The following PLEKHG1 variants were observed in gnomAD, a reference collection of about 807,000 sequenced individuals.
The protein encoded by PLEKHG1 is pleckstrin homology domain-containing family G member 1.
In PLEKHG1, 44 loss-of-function variants were observed where a neutral mutation model predicts 100.8. That is an observed-to-expected ratio of 0.44 (90% CI 0.34 to 0.56). The LOEUF is 0.56. Among genes scored for constraint, PLEKHG1 ranks in the 20% least tolerant of loss-of-function variants. PLEKHG1 has a pLI of 0.01. For missense variants in PLEKHG1, 1,545 were observed against 1,720.9 expected (o/e 0.90, Z 1.81); for synonymous variants, 640 against 662.5 (o/e 0.97, Z 0.52).
At chr6:150,670,931 G>A (rs1215166296) in intron 3 of PLEKHG1, among the ~76,000 whole-genome samples, 4 of 130,822 alleles carry the variant, frequency 3.1e-5, no homozygotes, top group Non-Finnish European at 6.2e-5. Flanking sequence ...TTATGCCTTT[G>A]CGTCCTCATA....
intron 10 of PLEKHG1, among the ~76,000 whole-genome samples, chr6:150,810,792 G>A (rs1039697625): frequency 3.9e-5 from 6 of 152,090 alleles, no homozygotes; most frequent in South Asian, 4.2e-4. Context: ...GTGGTAGCAC[G>A]TGCCTGTAGT....
At chr6:150,761,514 C>G (rs370342841) in intron 2 of PLEKHG1, among the ~76,000 whole-genome samples, 2 of 152,020 alleles carry the variant, frequency 1.3e-5, no homozygotes, top group Non-Finnish European at 2.9e-5. Flanking sequence ...AGGCTGGTCT[C>G]GAACTCCTGA....
intron 4 of PLEKHG1, among the ~76,000 whole-genome samples, chr6:150,792,683 A>T (rs1347044061): frequency 6.6e-6 from 1 of 151,734 alleles, no homozygotes; most frequent in Non-Finnish European, 1.5e-5. Context: ...CAAAACAACA[A>T]CAACAACAAA....
At chr6:150,797,001 G>GT (rs1233849188) in intron 5 of PLEKHG1, among the ~76,000 whole-genome samples, 2 of 151,618 alleles carry the variant, frequency 1.3e-5, no homozygotes, top group Non-Finnish European at 2.9e-5. Flanking sequence ...GTTTTGTTTT[G>GT]TTTTTTTGAG....
chr6:150,734,066 G>C (rs1281520469), exon 2 of PLEKHG1: 1 of 1,612,356 alleles, frequency 6.2e-7, no homozygotes, highest in Non-Finnish European at 8.5e-7. Flanking sequence ...AAGGACTTAT[G>C]TACAAGATTT....
chr6:150,659,684 C>G (rs991571577), intron 3 of PLEKHG1, among the ~76,000 whole-genome samples: 9 of 152,186 alleles, frequency 5.9e-5, no homozygotes, highest in Non-Finnish European at 1.2e-4. Flanking sequence ...ATTACTGCAA[C>G]CTGATTTTAC....
chr6:150,614,777 G>A lies in PLEKHG1; in HGVS notation c.-204+14760G>A, dbSNP rs1022728000. Among the ~76,000 whole-genome samples the A allele has an allele frequency of 9.2e-5, 14 of 152,280 alleles. No homozygotes were observed. The South Asian group carries it at 1.7e-3, about 18-fold the overall frequency. On this transcript the variant is annotated intron_variant, in intron 1 of 3. Coordinates refer to the PLEKHG1 transcript ENST00000367326. Reference sequence around the variant, plus strand: ...GTCTCCTGCGGAGTGGAAAAGTTGTGTTACAGTCTTACTTCTGGTCAGTGC... The same window carrying A: ...GTCTCCTGCGGAGTGGAAAAGTTGTATTACAGTCTTACTTCTGGTCAGTGC...
intron 3 of PLEKHG1, among the ~76,000 whole-genome samples, chr6:150,710,203 C>G (rs1366040411): frequency 2.0e-5 from 3 of 152,142 alleles, no homozygotes; most frequent in African/African-American, 7.2e-5. Context: ...TTTGGGTCCC[C>G]CAGGAAATGT....
intron 2 of PLEKHG1, among the ~76,000 whole-genome samples, chr6:150,751,568 G>T (rs889954390): frequency 6.6e-6 from 1 of 152,194 alleles, no homozygotes; most frequent in African/African-American, 2.4e-5. Flanking sequence ...CAACAGTGAG[G>T]CCTGTGTCTT....
chr6:150,622,366 G>A (rs1777336211), intron 1 of PLEKHG1, among the ~76,000 whole-genome samples: 1 of 152,078 alleles, frequency 6.6e-6, no homozygotes, highest in Non-Finnish European at 1.5e-5. Context: ...AAATCAAAAT[G>A]ACTAGAGACA....
At chr6:150,832,785 G>A (rs1777021558) in intron 15 of PLEKHG1, among the ~76,000 whole-genome samples, 1 of 146,752 alleles carries the variant, frequency 6.8e-6, no homozygotes, top group Non-Finnish European at 1.5e-5. Flanking sequence ...GGCTCAAGCA[G>A]TCCTCCCACC....
intron 13 of PLEKHG1, 145 bp downstream of exon 14, chr6:150,821,378 TC>T: frequency 1.5e-6 from 1 of 673,320 alleles, no homozygotes; most frequent in South Asian, 1.9e-5. Context: ...AATAAAAGTG[TC>T]CCATTATAAA....
chr6:150,674,898 G>A (rs1467474051), intron 3 of PLEKHG1, among the ~76,000 whole-genome samples: 2 of 152,042 alleles, frequency 1.3e-5, no homozygotes, highest in African/African-American at 4.8e-5. Flanking sequence ...GGCCAGGCTG[G>A]TTTCGAACTC....
chr6:150,636,542 C>A (rs1778006790), intron 1 of PLEKHG1, among the ~76,000 whole-genome samples: 1 of 151,906 alleles, frequency 6.6e-6, no homozygotes, highest in South Asian at 2.1e-4. Context: ...ATCATTCATC[C>A]TTCACAAGAG....
intron 3 of PLEKHG1, among the ~76,000 whole-genome samples, chr6:150,769,146 CAT>C (rs1435137968): frequency 5.3e-5 from 8 of 152,060 alleles, no homozygotes; most frequent in Non-Finnish European, 5.9e-5. Context: ...CAAGTCATAA[CAT>C]ATTAATTCAA....
chr6:150,775,994 G>A (rs1030568375), intron 3 of PLEKHG1, among the ~76,000 whole-genome samples: 11 of 152,266 alleles, frequency 7.2e-5, no homozygotes, highest in African/African-American at 2.2e-4. Context: ...AAAGGGAAGT[G>A]CTGCTCAGAC....
At chr6:150,659,431 C>T (rs570959160) in intron 3 of PLEKHG1, among the ~76,000 whole-genome samples, 1 of 152,250 alleles carries the variant, frequency 6.6e-6, no homozygotes, top group South Asian at 2.1e-4. Flanking sequence ...TGGATCACAG[C>T]TCACCTCTTC....
At chr6:150,749,573 C>T (rs1177620118) in intron 2 of PLEKHG1, among the ~76,000 whole-genome samples, 3 of 152,102 alleles carry the variant, frequency 2.0e-5, no homozygotes, top group Non-Finnish European at 2.9e-5. Context: ...CAGAGACTTT[C>T]TAGGCTCATC....
intron 14 of PLEKHG1, among the ~76,000 whole-genome samples, chr6:150,826,312 G>A (rs79135000): frequency 6.6e-6 from 1 of 152,142 alleles, no homozygotes; most frequent in East Asian, 1.9e-4. Context: ...CAAAAAATTA[G>A]CCGGGCATAG....
Sources: gnomAD v4.1 joint callset for allele counts (sites outside exome capture counted in the v4.1 genomes callset) on GRCh38, gnomAD v4.1.1 for gene constraint, MANE v1.5 for transcripts, NCBI Gene and HGNC (gene_info 2026-07-23, HGNC 2026-07-21) for gene names.